The following HOXB6 variants were observed in gnomAD, a reference collection of about 807,000 sequenced individuals.
The protein encoded by HOXB6 is homeobox B6, also known as homeobox protein Hox-B6.
A neutral mutation model predicts 24.2 loss-of-function variants in HOXB6; 18 were observed. That is an observed-to-expected ratio of 0.74 (90% CI 0.51 to 1.10). The LOEUF is 1.10. HOXB6 is among the 50% of genes least tolerant of loss of function. HOXB6 has a pLI of 0.00. For synonymous variants in HOXB6, 159 were observed against 139.1 expected (o/e 1.14, Z -1.01); for missense variants, 332 against 308.3 (o/e 1.08, Z -0.58).
chr17:48,596,488 C>A lies in HOXB6; in HGVS notation c.600G>T (p.Lys200Asn). ...TGAGCAGTTTGCTCTCCTTTTTCCACTTCATGCGTCGGTTCTGGAACCATA... is the reference window on the plus strand; with the variant it reads ...TGAGCAGTTTGCTCTCCTTTTTCCAATTCATGCGTCGGTTCTGGAACCATA... ...IKIWFQNRRM[K>N]WKKESKLLSA... is the part of the protein sequence containing the mutation. Residue 200 changes from lysine to asparagine, a missense_variant, in exon 4 of 4, where the codon AAG (lysine) becomes AAT (asparagine). Lys to Asn is a moderately conservative substitution (Grantham distance 94). Transcript: ENST00000225648. The surrounding 1 kb of genome is among the most constrained non-coding windows in gnomAD (Gnocchi z 4.8). 6.2e-7 allele frequency: 1 copy of A among 1,614,268 alleles called. No individual in the cohort carries two copies. The highest frequency in any genetic ancestry group is 8.5e-7 in the Non-Finnish European group (1 of 1,180,050).
chr17:48,600,374 C>T (rs2070429781), intron 2 of HOXB6: 1 of 443,372 alleles, frequency 2.3e-6, no homozygotes, highest in African/African-American at 2.0e-5. Flanking sequence ...GGAGCATTTC[C>T]CTGTGTCAGA....
rs1330551629 is a variant in HOXB6 at position 48,596,416 on chromosome 17, C to T, written c.672G>A (p.Glu224=). 6.2e-7 allele frequency: 1 copy of T among 1,614,220 alleles called. No individual in the cohort carries two copies. Among genetic ancestry groups the T allele is most frequent in the Non-Finnish European group, 8.5e-7 (1 of 1,180,034 alleles). Reference sequence around the variant, plus strand: ...CCTCCCTCCCTTTCCAGCACCTTCACTCGGCCTGTTTTTCTTCCTCCTCCT... The same window carrying T: ...CCTCCCTCCCTTTCCAGCACCTTCATTCGGCCTGTTTTTCTTCCTCCTCCT... ...SAEEEEEKQA[E] The change falls in exon 4 of 4, where the codon GAG becomes GAA. Residue 224 remains glutamate (E), a synonymous_variant. Transcript: ENST00000225648. The surrounding 1 kb of genome is among the most constrained non-coding windows in gnomAD (Gnocchi z 4.8).
Position 48,596,181 on chromosome 17 carries a change from G to A in HOXB6, c.*232C>T, listed in dbSNP as rs2070280565. 4.3e-6 allele frequency: 3 copies of A among 700,576 alleles called. No homozygotes were observed. Among genetic ancestry groups the A allele is most frequent in the South Asian group, 1.5e-5 (1 of 67,518 alleles). The allele number at this position is 700,576 out of a possible 1,614,324, so 43.4% of individuals were successfully genotyped here. Reference sequence around the variant, plus strand: ...CTGATCAGGCTGAGGCGAGTTCCTCGGGAAGGAAGGGCGCGCGGGATGCTG... The same window carrying A: ...CTGATCAGGCTGAGGCGAGTTCCTCAGGAAGGAAGGGCGCGCGGGATGCTG... On this transcript the variant is annotated 3_prime_UTR_variant, in exon 4 of 4. Transcript: ENST00000225648. This position sits in a 1 kb window ranked among gnomAD's most constrained non-coding sequence, Gnocchi z 4.8.
At chr17:48,600,381 C>G (rs2070429845) in intron 2 of HOXB6, 2 of 446,444 alleles carry the variant, frequency 4.5e-6, no homozygotes, top group South Asian at 3.2e-5. Flanking sequence ...TTCCCTGTGT[C>G]AGAAGCAGGG....
chr17:48,597,852 T>A lies in HOXB6; in HGVS notation c.299A>T (p.His100Leu). The change falls in exon 3 of 4, where the codon CAC becomes CTC. Residue 100 changes from histidine (H) to leucine (L), a missense_variant. His to Leu is a moderately conservative substitution (Grantham distance 99). Transcript: ENST00000225648. ...GCAGTCCGACTTCCGCGGCTCGGGGTGGAACGGGGGCTGCTCGTCGGCGCC... is the reference window on the plus strand; with the variant it reads ...GCAGTCCGACTTCCGCGGCTCGGGGAGGAACGGGGGCTGCTCGTCGGCGCC... ...LSGADEQPPF[H>L]PEPRKSDCAQ... 3 of 1,596,994 alleles carry A rather than the reference T, an allele frequency of 1.9e-6. No individual in the cohort carries two copies. Among genetic ancestry groups the A allele is most frequent in the Non-Finnish European group, 2.6e-6 (3 of 1,171,110 alleles).
intron 2 of HOXB6, among the ~76,000 whole-genome samples, chr17:48,598,690 T>A (rs2070384955): frequency 6.6e-6 from 1 of 152,226 alleles, no homozygotes; most frequent in Non-Finnish European, 1.5e-5. Flanking sequence ...TGTCTCCGAA[T>A]CGCCTTGAGA....
rs2070285837 is a variant in HOXB6 at position 48,596,262 on chromosome 17, G to A, written c.*151C>T. ...CCCGCCGGGAGCTGTGCGGGCGGGG[G>A]CGTCCAGGAGAGCGCTGGGCCCCGC... On this transcript the variant is annotated 3_prime_UTR_variant, in exon 4 of 4. Coordinates refer to ENST00000225648, the MANE Select transcript of HOXB6 (RefSeq NM_018952.5). This position sits in a 1 kb window ranked among gnomAD's most constrained non-coding sequence, Gnocchi z 4.8. 8.3e-7 allele frequency: 1 copy of A among 1,208,876 alleles called. No homozygotes were observed. Among genetic ancestry groups the A allele is most frequent in the Non-Finnish European group, 1.2e-6 (1 of 824,016 alleles). 74.9% of individuals were successfully genotyped at this position (1,208,876 alleles called of 1,614,324 possible). A position where few individuals can be genotyped will look rare whatever the true frequency, so the allele number is the denominator to read the frequency against.
At chr17:48,600,542 A>G (rs1180884635) in intron 2 of HOXB6, 1 of 455,690 alleles carries the variant, frequency 2.2e-6, no homozygotes, top group Admixed American at 2.3e-5. Context: ...ATCTAAGCCC[A>G]GAGGTATTTA....
At position 48,596,430 on chromosome 17, in the gene HOXB6, C is replaced by A; in HGVS notation, c.658G>T (p.Glu220Ter). Residue 220 changes from glutamate (E) to a stop codon, truncating the protein, a stop_gained, in exon 4 of 4, where the codon GAA becomes TAA. Coordinates refer to ENST00000225648, the MANE Select transcript of HOXB6 (RefSeq NM_018952.5). LOFTEE classifies it high-confidence loss of function. The surrounding 1 kb of genome is among the most constrained non-coding windows in gnomAD (Gnocchi z 4.8). ...CAGCACCTTCACTCGGCCTGTTTTT[C>A]TTCCTCCTCCTCGGCACTGAGCTGA... ...ASQLSAEEEE[E>*]KQAE 3 of 1,614,250 alleles carry A rather than the reference C, an allele frequency of 1.9e-6. No individual in the cohort carries two copies. Among genetic ancestry groups the A allele is most frequent in the East Asian group, 2.2e-5 (1 of 44,886 alleles).
Position 48,602,528 on chromosome 17 carries a change from T to C in HOXB6, c.-79+1952A>G. 1.7e-5 allele frequency: 4 copies of C among 233,856 alleles called. No individual in the cohort carries two copies. The South Asian group carries it at 2.1e-4, about 12-fold the overall frequency. 14.5% of individuals were successfully genotyped at this position (233,856 alleles called of 1,614,324 possible). On this transcript the variant is annotated intron_variant, in intron 2 of 3. Transcript: ENST00000225648. The stretch of plus-strand genomic sequence containing the variant: ...CCTTGCCAGCCGCCAGGTTTGGGGC[T>C]AGGATGGGCGGGGACGGGGGCAGTG...
intron 2 of HOXB6, among the ~76,000 whole-genome samples, chr17:48,598,697 G>C (rs578160757): frequency 1.3e-5 from 2 of 152,242 alleles, no homozygotes; most frequent in East Asian, 3.8e-4. Flanking sequence ...GAATCGCCTT[G>C]AGAGAGAACT....
intron 2 of HOXB6, among the ~76,000 whole-genome samples, chr17:48,599,243 C>T (rs2070398061): frequency 6.6e-6 from 1 of 152,192 alleles, no homozygotes; most frequent in African/African-American, 2.4e-5. Flanking sequence ...TAAGAATAGC[C>T]TGGGCTATAG....
At chr17:48,597,640 C>A (rs1234948167) in intron 3 of HOXB6, 96 bp downstream of exon 3, 3 of 1,334,128 alleles carry the variant, frequency 2.2e-6, no homozygotes, top group Non-Finnish European at 3.2e-6. Context: ...ACCCAGCACC[C>A]TGTGGGAGAT....
In HOXB6 at chr17:48,598,009, C is replaced by T; in HGVS notation, c.142G>A (p.Gly48Ser). The T allele has an allele frequency of 6.3e-7, 1 of 1,595,716 alleles. No individual in the cohort carries two copies. The highest frequency in any genetic ancestry group is 1.1e-5 in the South Asian group (1 of 88,578). ...GAAGTGGCAAAGCCCTTGTCCTGGC[C>T]CGGCCCTGGCCCGTAGGGCGCGGGG... is the stretch of plus-strand genomic sequence containing the variant. ...HYPAPYGPGP[G>S]QDKGFATSSY... is the part of the protein sequence containing the mutation. The change falls in exon 3 of 4, where the codon GGC becomes AGC. Residue 48 changes from glycine (G) to serine (S), a missense_variant. Physicochemically the swap from Gly to Ser is moderately conservative, Grantham distance 56. Transcript: ENST00000225648.
chr17:48,602,388 G>C, intron 2 of HOXB6: 1 of 366,676 alleles, frequency 2.7e-6, no homozygotes, highest in Admixed American at 3.6e-5. Flanking sequence ...GTGGGGTGGG[G>C]GTGGGGATGG....
chr17:48,596,527 C>G lies in HOXB6; in HGVS notation c.561G>C (p.Glu187Asp). The G allele has an allele frequency of 6.2e-7, 1 of 1,614,278 alleles. No homozygotes were observed. Among genetic ancestry groups the G allele is most frequent in the East Asian group, 2.2e-5 (1 of 44,890 alleles). Residue 187 changes from glutamate (E) to aspartate (D), a missense_variant, in exon 4 of 4, where the codon GAG (glutamate) becomes GAC (aspartate). Transcript: ENST00000225648. The surrounding 1 kb of genome is among the most constrained non-coding windows in gnomAD (Gnocchi z 4.8). Reference protein sequence around the residue: ...IEIAHALCLTERQIKIWFQNR... With the variant: ...IEIAHALCLTDRQIKIWFQNR... The stretch of plus-strand genomic sequence containing the variant: ...TCTGGAACCATATCTTGATCTGCCT[C>G]TCCGTCAGGCACAGGGCGTGCGCGA...
At chr17:48,601,999 C>T in intron 2 of HOXB6, 1 of 420,866 alleles carries the variant, frequency 2.4e-6, no homozygotes, top group Non-Finnish European at 4.8e-6. Flanking sequence ...CCAACAGGAA[C>T]GGAAATTACG....
Position 48,596,305 on chromosome 17 carries a change from CA to C in HOXB6, c.*107del. 6.5e-7 allele frequency: 1 copy of C among 1,529,928 alleles called. No homozygotes were observed. Among genetic ancestry groups the C allele is most frequent in the Non-Finnish European group, 9.0e-7 (1 of 1,107,544 alleles). 94.8% of individuals were successfully genotyped at this position (1,529,928 alleles called of 1,614,324 possible). A position where few individuals can be genotyped will look rare whatever the true frequency, so the allele number is the denominator to read the frequency against. ...GGCCCCGCCTGTCTGCGCCGGAGAGCAGGTCTCCTGGCTCCCCCACCCGAGA... is the reference window on the plus strand; with the variant it reads ...GGCCCCGCCTGTCTGCGCCGGAGAGCGGTCTCCTGGCTCCCCCACCCGAGA... On this transcript the variant is annotated 3_prime_UTR_variant, in exon 4 of 4. Coordinates refer to ENST00000225648, the MANE Select transcript of HOXB6 (RefSeq NM_018952.5). The surrounding 1 kb of genome is among the most constrained non-coding windows in gnomAD (Gnocchi z 4.8).
intron 2 of HOXB6, among the ~76,000 whole-genome samples, chr17:48,600,260 C>T (rs924881575): frequency 1.3e-5 from 2 of 152,114 alleles, no homozygotes. Flanking sequence ...AGCCCTGGGC[C>T]TCAGCCTTCC....
Sources: allele counts gnomAD v4.1 joint callset (sites outside exome capture counted in the v4.1 genomes callset), GRCh38; gene constraint gnomAD v4.1.1; non-coding constraint Gnocchi (gnomAD v3.1); transcripts MANE v1.5; gene names NCBI Gene and HGNC (gene_info 2026-07-23, HGNC 2026-07-21).